Variants in LPP observed in about 807,000 individuals in gnomAD.
LPP encodes the protein lipoma-preferred partner.
Under a neutral mutation model 60.4 loss-of-function variants are expected in LPP, and 38 were observed. That is an observed-to-expected ratio of 0.63 (90% CI 0.49 to 0.83). The LOEUF (loss-of-function observed/expected upper bound fraction) is 0.83, where lower values mean the gene tolerates loss of function less well. Among genes scored for constraint, LPP ranks in the 40% least tolerant of loss-of-function variants. The pLI, the probability that LPP is intolerant of heterozygous loss-of-function variation, is 0.00. For missense variants in LPP, 902 were observed against 783.6 expected (o/e 1.15, Z -1.80); for synonymous variants, 328 against 290.8 (o/e 1.13, Z -1.30).
rs9854691 is a variant in LPP at position 188,352,424 on chromosome 3, A to C, written c.-10+10705A>C. Among the ~76,000 whole-genome samples the C allele has an allele frequency of 6.6e-6, 1 of 152,188 alleles. No individual in the cohort carries two copies. The highest frequency in any genetic ancestry group is 2.4e-5 in the African/African-American group (1 of 41,448). ...TGAAGGAGTCGCTGACCTTCCCCAC[A>C]ATAGAAGCTGTTGATGTGGTCACGT... On this transcript the variant is annotated intron_variant, in intron 3 of 11. Transcript: ENST00000617246. This position sits in a 1 kb window ranked among gnomAD's most constrained non-coding sequence, Gnocchi z 4.4.
At chr3:188,578,322 T>C (rs1424214548) in intron 6 of LPP, among the ~76,000 whole-genome samples, 2 of 152,086 alleles carry the variant, frequency 1.3e-5, no homozygotes, top group Admixed American at 6.6e-5. Flanking sequence ...ATTGGCCTCC[T>C]TCCTAGCAGC....
chr3:188,702,106 G>A (rs1176807937), intron 7 of LPP, among the ~76,000 whole-genome samples: 1 of 151,482 alleles, frequency 6.6e-6, no homozygotes, highest in Non-Finnish European at 1.5e-5. Context: ...CCAGGCACCC[G>A]CCACCATGCC....
intron 2 of LPP, among the ~76,000 whole-genome samples, chr3:188,276,695 T>TCTCTCTCTCTCTCTCTCTC (rs1739908128): frequency 1.2e-4 from 2 of 16,418 alleles, no homozygotes; most frequent in Admixed American, 4.5e-4. Flanking sequence ...CTCTCTCTCT[T>TCTCTCTCTCTCTCTCTCTC]TCTCTCTCTC....
intron 3 of LPP, among the ~76,000 whole-genome samples, chr3:188,362,090 G>A (rs995628217): frequency 6.6e-6 from 1 of 152,178 alleles, no homozygotes; most frequent in Non-Finnish European, 1.5e-5. Flanking sequence ...GGGCCCGAAG[G>A]AGGGTTTCCG....
intron 9 of LPP, among the ~76,000 whole-genome samples, chr3:188,819,899 C>T (rs1283717676): frequency 1.3e-5 from 2 of 152,106 alleles, no homozygotes; most frequent in Admixed American, 1.3e-4. Flanking sequence ...TATGTCAAGC[C>T]ACTAACTGCC....
chr3:188,766,537 A>T (rs1239993550), intron 9 of LPP, among the ~76,000 whole-genome samples: 2 of 152,152 alleles, frequency 1.3e-5, no homozygotes, highest in African/African-American at 4.8e-5. Context: ...TTCCAGTGGC[A>T]AGAAACTGAA....
chr3:188,435,157 A>T (rs1028301705), intron 4 of LPP, among the ~76,000 whole-genome samples: 3 of 152,224 alleles, frequency 2.0e-5, no homozygotes, highest in Admixed American at 1.3e-4. Context: ...ACACTAGTAT[A>T]TAAGGAGGAA....
At chr3:188,812,425 A>G (rs1751256370) in intron 9 of LPP, among the ~76,000 whole-genome samples, 2 of 152,170 alleles carry the variant, frequency 1.3e-5, no homozygotes, top group Non-Finnish European at 2.9e-5. Flanking sequence ...CAATGTTTTA[A>G]TGATGAATGT....
intron 7 of LPP, among the ~76,000 whole-genome samples, chr3:188,647,807 G>A (rs1580678066): frequency 1.3e-5 from 2 of 152,026 alleles, no homozygotes; most frequent in African/African-American, 4.8e-5. Context: ...CTGCTCTATC[G>A]TGGCTACTTT....
At chr3:188,731,516 T>TTTTTGTTTTGTTGTTTTG (rs1553817767) in intron 8 of LPP, among the ~76,000 whole-genome samples, 5 of 145,700 alleles carry the variant, frequency 3.4e-5, no homozygotes, top group African/African-American at 7.7e-5. Context: ...TTTTTTGTTT[T>TTTTTGTTTTGTTGTTTTG]TTTTGTTTTG....
At chr3:188,221,923 C>G (rs1224966044) in intron 1 of LPP, among the ~76,000 whole-genome samples, 1 of 152,106 alleles carries the variant, frequency 6.6e-6, no homozygotes, top group Non-Finnish European at 1.5e-5. Flanking sequence ...ATTAATAAAG[C>G]CTGTGTCATG....
intron 9 of LPP, among the ~76,000 whole-genome samples, chr3:188,810,236 C>A (rs1750509153): frequency 1.3e-5 from 2 of 151,986 alleles, no homozygotes; most frequent in Non-Finnish European, 2.9e-5. Flanking sequence ...CATTCAGAGG[C>A]CTTAAGGCAG....
At chr3:188,732,060 G>C (rs183351871) in intron 8 of LPP, among the ~76,000 whole-genome samples, 180 of 152,244 alleles carry the variant, frequency 1.2e-3, no homozygotes, top group Non-Finnish European at 2.0e-3. Context: ...TCCTAATCTT[G>C]CGTAGTCTTT....
intron 9 of LPP, among the ~76,000 whole-genome samples, chr3:188,813,427 A>G (rs566624456): frequency 7.9e-5 from 12 of 152,312 alleles, no homozygotes; most frequent in African/African-American, 2.9e-4. Context: ...TTCTTGTTTC[A>G]TTGATATTGA....
intron 8 of LPP, among the ~76,000 whole-genome samples, chr3:188,715,419 G>A (rs1051950716): frequency 1.4e-5 from 2 of 146,168 alleles, no homozygotes; most frequent in Admixed American, 6.8e-5. Context: ...AACATGGGGC[G>A]ATGAAGTAGC....
chr3:188,210,893 C>A (rs1734526363), intron 1 of LPP, among the ~76,000 whole-genome samples: 1 of 152,080 alleles, frequency 6.6e-6, no homozygotes, highest in Non-Finnish European at 1.5e-5. Flanking sequence ...CCACGCCCAC[C>A]CGCTGAGGAG....
At chr3:188,479,261 CCAAAAATTCTCCCCTCAA>C (rs1278242542) in intron 4 of LPP, among the ~76,000 whole-genome samples, 11 of 152,272 alleles carry the variant, frequency 7.2e-5, no homozygotes, top group African/African-American at 2.2e-4. Context: ...CCTCCAACAA[CCAAAAATTCTCCCCTCAA>C]CAAAGTGGGA....
intron 2 of LPP, among the ~76,000 whole-genome samples, chr3:188,333,175 C>CT (rs1459300072): frequency 6.6e-6 from 1 of 152,052 alleles, no homozygotes. Context: ...AAGCTTAGTG[C>CT]TTGTGGATTT....
rs964812942 is a variant in LPP at position 188,860,030 on chromosome 3, C to T, written c.1411-6170C>T. ...CATTACATGCAGATACAAATATAGA[C>T]TTAGATTAAGATATAGACAAAGGAC... is the stretch of plus-strand genomic sequence containing the variant. On this transcript the variant is annotated intron_variant, in intron 9 of 11. Coordinates refer to ENST00000617246, the MANE Select transcript of LPP (RefSeq NM_001375462.1). Among the ~76,000 whole-genome samples, 11 of 151,818 alleles carry T rather than the reference C, an allele frequency of 7.2e-5. No individual in the cohort carries two copies. In the South Asian group the frequency reaches 2.3e-3, roughly 32 times the overall value.
Sources: allele counts gnomAD v4.1 joint callset (sites outside exome capture counted in the v4.1 genomes callset), GRCh38; gene constraint gnomAD v4.1.1; non-coding constraint Gnocchi (gnomAD v3.1); transcripts MANE v1.5; gene names NCBI Gene and HGNC (gene_info 2026-07-23, HGNC 2026-07-21).